NIPAL1: variants seen among roughly 807,000 people sequenced by gnomAD.
NIPAL1 encodes the protein NIPA like domain containing 1, also known as magnesium transporter NIPA3.
Under a neutral mutation model 37.7 loss-of-function variants are expected in NIPAL1, and 35 were observed. The observed-to-expected ratio is 0.93, with a 90% CI of 0.71 to 1.23. The LOEUF (loss-of-function observed/expected upper bound fraction) is 1.23. NIPAL1 is among the 50% of genes most tolerant of loss of function. NIPAL1 has a pLI of 0.00. For missense variants in NIPAL1, 412 were observed against 473.9 expected (o/e 0.87, Z 1.21); for synonymous variants, 162 against 183.0 (o/e 0.89, Z 0.93).
At chr4:48,022,063 AGATGTTCTC>A in intron 1 of NIPAL1, among the ~76,000 whole-genome samples, 2 of 152,334 alleles carry the variant, frequency 1.3e-5, no homozygotes, top group East Asian at 3.9e-4. Flanking sequence ...TGAATGGAGT[AGATGTTCTC>A]TTTCTGTGGA....
intron 4 of NIPAL1, 150 bp downstream of exon 4, chr4:48,033,233 A>G: frequency 4.0e-6 from 2 of 506,078 alleles, no homozygotes; most frequent in Non-Finnish European, 6.9e-6. Context: ...AACCCAAATT[A>G]TTTCTGAGGC....
In NIPAL1 at chr4:48,038,508, TGA is replaced by T. The variant is rs1716005782; in HGVS notation, c.*2338_*2339del. ...AAAAATGTAAAAAACATCAAGAGGC[TGA>T]GTCAGGAGGATCATTTGAGCTTAGG... On this transcript the variant is annotated 3_prime_UTR_variant, in exon 6 of 6. Coordinates refer to ENST00000295461, the MANE Select transcript of NIPAL1 (RefSeq NM_207330.3). The T allele has an allele frequency of 6.6e-6, 1 of 152,186 alleles. No homozygotes were observed. Among genetic ancestry groups the T allele is most frequent in the Admixed American group, 6.6e-5 (1 of 15,262 alleles). The allele number at this position is 152,186 out of a possible 1,614,324, so 9.4% of individuals were successfully genotyped here. A position where few individuals can be genotyped will look rare whatever the true frequency, so the allele number is the denominator to read the frequency against.
In NIPAL1 at chr4:48,039,276, G is replaced by A. The variant is rs1317462972; in HGVS notation, c.*3104G>A. 1 of 151,810 alleles carries A rather than the reference G, an allele frequency of 6.6e-6. No individual in the cohort carries two copies. The highest frequency in any genetic ancestry group is 1.5e-5 in the Non-Finnish European group (1 of 67,998). 9.4% of individuals were successfully genotyped at this position (151,810 alleles called of 1,614,324 possible). A position where few individuals can be genotyped will look rare whatever the true frequency, so the allele number is the denominator to read the frequency against. On this transcript the variant is annotated 3_prime_UTR_variant, in exon 6 of 6. Transcript: ENST00000295461. ...AGGGAATTGCTTGAAGCAAGGAGGG[G>A]CAGGTTGCAGTGAGCCAAGATTGTG...
At chr4:48,029,341 A>G (rs545229068) in intron 2 of NIPAL1, among the ~76,000 whole-genome samples, 2 of 152,340 alleles carry the variant, frequency 1.3e-5, no homozygotes, top group South Asian at 2.1e-4. Context: ...CAAAAGCTGC[A>G]TGTTCTTACT....
chr4:48,017,938 C>G (rs1715479594), intron 1 of NIPAL1, among the ~76,000 whole-genome samples: 1 of 151,978 alleles, frequency 6.6e-6, no homozygotes, highest in Admixed American at 6.6e-5. Context: ...TTCCTCTCCT[C>G]TTGACTCTTC....
At position 48,036,143 on chromosome 4, in the gene NIPAL1, G is replaced by A. The variant is rs186888355; in HGVS notation, c.1204G>A (p.Val402Ile). The A allele has an allele frequency of 8.0e-5, 128 of 1,606,578 alleles. 1 individual carries two copies. The East Asian group carries it at 8.3e-4, about 10-fold the overall frequency. The change falls in exon 6 of 6, where the codon GTT (valine) becomes ATT (isoleucine). Residue 402 changes from valine to isoleucine, a missense_variant. Physicochemically the swap from Val to Ile is conservative, Grantham distance 29 (BLOSUM62 3). Coordinates refer to ENST00000295461, the MANE Select transcript of NIPAL1 (RefSeq NM_207330.3). ...ECSAPGYNDD[V>I]TLFSRTDD ...TTCAGCCCCAGGATACAATGATGAC[G>A]TTACCTTGTTTAGTAGAACTGATGA...
intron 1 of NIPAL1, among the ~76,000 whole-genome samples, chr4:48,019,204 G>A (rs995002326): frequency 6.6e-6 from 1 of 152,080 alleles, no homozygotes; most frequent in African/African-American, 2.4e-5. Context: ...TTTTAATACG[G>A]GTTTCACTGT....
intron 1 of NIPAL1, among the ~76,000 whole-genome samples, chr4:48,024,127 C>T (rs905974876): frequency 3.3e-5 from 5 of 152,056 alleles, no homozygotes; most frequent in African/African-American, 1.2e-4. Flanking sequence ...CATGCACCAC[C>T]ATGCCCATGC....
At position 48,030,145 on chromosome 4, in the gene NIPAL1, G is replaced by A. The variant is rs1031510000; in HGVS notation, c.339G>A (p.Lys113=). The A allele has an allele frequency of 6.2e-7, 1 of 1,605,276 alleles. No individual in the cohort carries two copies. Among genetic ancestry groups the A allele is most frequent in the Non-Finnish European group, 8.5e-7 (1 of 1,172,486 alleles). ...RAGQGGHSYL[K]EWLWWVGLLS... ...GACAAGGTGGACATTCTTACCTGAA[G>A]GAATGGCTCTGGTGGGTAGGATTGC... The change falls in exon 3 of 6, where the codon AAG becomes AAA. Residue 113 remains lysine (K), a synonymous_variant. Coordinates refer to ENST00000295461, the MANE Select transcript of NIPAL1 (RefSeq NM_207330.3).
At chr4:48,024,579 C>T (rs532848279) in intron 1 of NIPAL1, among the ~76,000 whole-genome samples, 8 of 152,216 alleles carry the variant, frequency 5.3e-5, no homozygotes, top group Admixed American at 5.2e-4. Flanking sequence ...CCATGCCCAG[C>T]GAACAGATTT....
In NIPAL1 at chr4:48,025,331, G is replaced by C; in HGVS notation, c.310G>C (p.Ala104Pro). ...LQLASKGFTR[A>P]GQGGHSYLKE... is the part of the protein sequence containing the mutation. ...ACTGGCCAGCAAGGGCTTTACTAGA[G>C]CTGGTAAGAAACACATGCAACTAAT... The change falls in exon 2 of 6, where the codon GCT becomes CCT. Residue 104 changes from alanine to proline, a missense_variant. Coordinates refer to ENST00000295461, the MANE Select transcript of NIPAL1 (RefSeq NM_207330.3). The C allele has an allele frequency of 6.2e-7, 1 of 1,613,510 alleles. No homozygotes were observed. The highest frequency in any genetic ancestry group is 8.5e-7 in the Non-Finnish European group (1 of 1,179,836).
At chr4:48,031,622 A>G (rs1273090705) in intron 3 of NIPAL1, among the ~76,000 whole-genome samples, 1 of 152,226 alleles carries the variant, frequency 6.6e-6, no homozygotes, top group Non-Finnish European at 1.5e-5. Flanking sequence ...GAGATTAAGT[A>G]AGTGATATAT....
intron 1 of NIPAL1, among the ~76,000 whole-genome samples, chr4:48,019,438 A>G (rs1391721029): frequency 1.3e-5 from 2 of 152,212 alleles, no homozygotes; most frequent in Non-Finnish European, 2.9e-5. Context: ...CCATATGAGG[A>G]AGTCTATTTG....
chr4:48,024,330 G>C (rs1044378373), intron 1 of NIPAL1, among the ~76,000 whole-genome samples: 1 of 132,460 alleles, frequency 7.5e-6, no homozygotes, highest in African/African-American at 2.7e-5. Context: ...CTAGGCTGGA[G>C]TGCAGTGGTG....
At chr4:48,026,997 T>C (rs1415606582) in intron 2 of NIPAL1, among the ~76,000 whole-genome samples, 4 of 151,610 alleles carry the variant, frequency 2.6e-5, no homozygotes, top group African/African-American at 9.7e-5. Flanking sequence ...GGATTACAGG[T>C]GTGAGCCACT....
chr4:48,026,805 A>T (rs1209015519), intron 2 of NIPAL1, among the ~76,000 whole-genome samples: 1 of 150,322 alleles, frequency 6.7e-6, no homozygotes, highest in African/African-American at 2.5e-5. Context: ...TGCAACCTCC[A>T]CCTCCCAGGT....
rs189057759 is a variant in NIPAL1 at position 48,026,742 on chromosome 4, G to C, written c.313+1408G>C. ...AAAATTTTTTTTTTTTTTTTCAGAC[G>C]GGGCTTTGCCCTGTCGGCCAGGCTG... On this transcript the variant is annotated intron_variant, in intron 2 of 5. Transcript: ENST00000295461. Among the ~76,000 whole-genome samples the C allele has an allele frequency of 7.0e-3, 1,047 of 150,180 alleles. 3 individuals carry two copies. The highest frequency in any genetic ancestry group is 0.023 in the South Asian group (108 of 4,748).
At chr4:48,017,689 G>C (rs910989002) in intron 1 of NIPAL1, among the ~76,000 whole-genome samples, 4 of 152,166 alleles carry the variant, frequency 2.6e-5, no homozygotes, top group African/African-American at 9.7e-5. Context: ...AGTAGGGAAG[G>C]GGGTAGGGGG....
chr4:48,035,656 T>C lies in NIPAL1; in HGVS notation c.717T>C (p.Tyr239=). 1 of 1,613,948 alleles carries C rather than the reference T, an allele frequency of 6.2e-7. No individual in the cohort carries two copies. The highest frequency in any genetic ancestry group is 8.5e-7 in the Non-Finnish European group (1 of 1,179,972). ...AAGGACAGACCAATATATTGGTTTA[T>C]ATTTCAATCTGTTCCTTGATTGGAG... ...PKKGQTNILV[Y]ISICSLIGAF... The change falls in exon 6 of 6, where the codon TAT becomes TAC. Residue 239 remains tyrosine (Y), a synonymous_variant. Coordinates refer to ENST00000295461, the MANE Select transcript of NIPAL1 (RefSeq NM_207330.3).
Sources: gnomAD v4.1 joint callset for allele counts (sites outside exome capture counted in the v4.1 genomes callset) on GRCh38, gnomAD v4.1.1 for gene constraint, MANE v1.5 for transcripts, NCBI Gene and HGNC (gene_info 2026-07-23, HGNC 2026-07-21) for gene names.